DAB1: variants seen among roughly 807,000 people sequenced by gnomAD.
The protein encoded by DAB1 is DAB adaptor protein 1.
In DAB1, 15 loss-of-function variants were observed where a neutral mutation model predicts 64.6. The ratio of observed to expected loss-of-function variants is 0.23; its 90% CI spans 0.16 to 0.36. The LOEUF is 0.36. DAB1 is among the 10% of genes least tolerant of loss of function. The probability of loss-of-function intolerance (pLI) is 1.00; values close to 1 mark genes in which losing one functional copy is unlikely to be tolerated. For synonymous variants in DAB1, 235 were observed against 251.9 expected (o/e 0.93, Z 0.64); for missense variants, 596 against 706.7 (o/e 0.84, Z 1.78).
At chr1:57,875,010 G>A (rs1196016349) in intron 1 of DAB1, 1 of 152,144 alleles carries the variant, frequency 6.6e-6, no homozygotes, top group Non-Finnish European at 1.5e-5. Flanking sequence ...CAGAGCAAGT[G>A]CTTTGGTTCT....
At chr1:57,729,807 T>C (rs1385961224) in intron 6 of DAB1, among the ~76,000 whole-genome samples, 2 of 152,222 alleles carry the variant, frequency 1.3e-5, no homozygotes, top group African/African-American at 4.8e-5. Flanking sequence ...ACACCTGTAA[T>C]CTCAGTGCTT....
At position 57,048,409 on chromosome 1, in the gene DAB1, A is replaced by G. The variant is rs530384550; in HGVS notation, c.723+14475T>C. ...GCCTAGAATCATACAGCTAATAAGT[A>G]TAGGCTCCAACTAACTTCAAATTTC... is the stretch of plus-strand genomic sequence containing the variant. On this transcript the variant is annotated intron_variant, in intron 9 of 14. Transcript: ENST00000371236. Among the ~76,000 whole-genome samples the G allele has an allele frequency of 2.7e-4, 41 of 152,380 alleles. No homozygotes were observed. In the South Asian group the frequency reaches 8.3e-3, roughly 31 times the overall value.
At chr1:57,724,783 T>C (rs533153037) in intron 6 of DAB1, among the ~76,000 whole-genome samples, 3 of 152,288 alleles carry the variant, frequency 2.0e-5, no homozygotes, top group Admixed American at 2.0e-4. Flanking sequence ...TCTACCAAGC[T>C]TGCCTGCTTC....
At position 57,448,636 on chromosome 1, in the gene DAB1, C is replaced by T. The variant is rs1686237196; in HGVS notation, n.626-157470G>A. Among the ~76,000 whole-genome samples, 4 of 152,124 alleles carry T rather than the reference C, an allele frequency of 2.6e-5. No individual in the cohort carries two copies. In the South Asian group the frequency reaches 8.3e-4, roughly 32 times the overall value. ...ACAAAGAATAAATTCTTGATCAAGA[C>T]ATTGTACTTGCTTTCAAGAAGTGGA... On this transcript the variant is annotated intron_variant and non_coding_transcript_variant, in intron 7 of 20. Transcript: ENST00000485760.
intron 3 of DAB1, among the ~76,000 whole-genome samples, chr1:58,499,491 T>TAGATAGATAGAC (rs964897791): frequency 6.7e-6 from 1 of 149,148 alleles, no homozygotes; most frequent in African/African-American, 2.5e-5. Context: ...GATAGATAGA[T>TAGATAGATAGAC]AGATAGATAG....
chr1:57,959,133 G>T (rs575070964), intron 5 of DAB1, among the ~76,000 whole-genome samples: 1 of 152,204 alleles, frequency 6.6e-6, no homozygotes, highest in East Asian at 1.9e-4. Context: ...CTCCAGAGCA[G>T]TCTTTGATAC....
At chr1:57,632,629 G>T (rs1646003652) in intron 7 of DAB1, among the ~76,000 whole-genome samples, 1 of 152,166 alleles carries the variant, frequency 6.6e-6, no homozygotes, top group Non-Finnish European at 1.5e-5. Context: ...GAGGAGTATT[G>T]TGTGAGAGTT....
At chr1:58,134,631 A>C (rs1036885716) in intron 5 of DAB1, among the ~76,000 whole-genome samples, 3 of 152,202 alleles carry the variant, frequency 2.0e-5, no homozygotes, top group Admixed American at 6.5e-5. Context: ...AAGCAGGCAC[A>C]TTTCACATGG....
intron 7 of DAB1, among the ~76,000 whole-genome samples, chr1:57,643,102 C>T (rs7532516): frequency 0.32 from 49,019 of 152,056 alleles, 8,454 homozygotes; most frequent in African/African-American, 0.43. Flanking sequence ...GTCATCAATG[C>T]GGATTTCAGC....
At chr1:57,415,417 C>T (rs1247201888) in intron 1 of DAB1, among the ~76,000 whole-genome samples, 4 of 152,004 alleles carry the variant, frequency 2.6e-5, no homozygotes, top group South Asian at 2.1e-4. Flanking sequence ...TGAAACAAGA[C>T]ATAAAAAGTG....
intron 7 of DAB1, among the ~76,000 whole-genome samples, chr1:57,538,851 A>AC (rs35912218): frequency 4.6e-5 from 7 of 151,680 alleles, no homozygotes; most frequent in Non-Finnish European, 7.4e-5. Flanking sequence ...GAGCCCACTC[A>AC]CCCCCCCTAC....
chr1:57,349,266 A>G (rs1466683881), intron 1 of DAB1, among the ~76,000 whole-genome samples: 5 of 152,084 alleles, frequency 3.3e-5, no homozygotes, highest in African/African-American at 4.8e-5. Flanking sequence ...ATCCCAAACC[A>G]TCAGGCACTG....
intron 2 of DAB1, among the ~76,000 whole-genome samples, chr1:57,175,625 T>G (rs1310473389): frequency 1.3e-5 from 2 of 152,172 alleles, no homozygotes; most frequent in Non-Finnish European, 2.9e-5. Context: ...ACCATTTACA[T>G]GGCGTATCTG....
intron 4 of DAB1, among the ~76,000 whole-genome samples, chr1:58,285,993 GA>G (rs1277726295): frequency 2.6e-5 from 4 of 152,086 alleles, no homozygotes; most frequent in Admixed American, 2.6e-4. Context: ...ACAGAACAGA[GA>G]ACTCAAAAAT....
chr1:58,245,678 C>A (rs1487911072), intron 4 of DAB1, among the ~76,000 whole-genome samples: 1 of 152,060 alleles, frequency 6.6e-6, no homozygotes, highest in South Asian at 2.1e-4. Flanking sequence ...CTCTTGGAGC[C>A]TAGCTTTCTT....
chr1:58,135,447 T>A (rs979499410), intron 5 of DAB1, among the ~76,000 whole-genome samples: 2 of 152,258 alleles, frequency 1.3e-5, no homozygotes, highest in South Asian at 4.1e-4. Context: ...AGTGCTGAGT[T>A]CCTGTCTACA....
intron 7 of DAB1, among the ~76,000 whole-genome samples, chr1:57,502,453 T>C (rs550098070): frequency 6.6e-6 from 1 of 152,164 alleles, no homozygotes; most frequent in African/African-American, 2.4e-5. Context: ...CATATTCCAG[T>C]TTAACTTTCT....
chr1:57,624,833 CA>C lies in DAB1; in HGVS notation n.625+24758del, dbSNP rs535352891. Among the ~76,000 whole-genome samples the C allele has an allele frequency of 2.8e-4, 42 of 152,278 alleles. No homozygotes were observed. The South Asian group carries it at 3.7e-3, about 14-fold the overall frequency. Reference sequence around the variant, plus strand: ...TGCTGGCAGACACTATCTTCTCGAACAAAATATTTTTGCTAAAGCAGCAAAT... The same window carrying C: ...TGCTGGCAGACACTATCTTCTCGAACAAATATTTTTGCTAAAGCAGCAAAT... On this transcript the variant is annotated intron_variant and non_coding_transcript_variant, in intron 7 of 20. Coordinates refer to the DAB1 transcript ENST00000485760.
chr1:58,015,825 G>T (rs903117859), intron 5 of DAB1, among the ~76,000 whole-genome samples: 1 of 152,166 alleles, frequency 6.6e-6, no homozygotes, highest in African/African-American at 2.4e-5. Context: ...CCTTGCAAGG[G>T]CATGCATGAG....
Sources: allele counts gnomAD v4.1 joint callset (sites outside exome capture counted in the v4.1 genomes callset), GRCh38; gene constraint gnomAD v4.1.1; transcripts MANE v1.5; gene names NCBI Gene and HGNC (gene_info 2026-07-23, HGNC 2026-07-21).